SCRG1: variants seen among roughly 807,000 people sequenced by gnomAD.
SCRG1 encodes stimulator of chondrogenesis 1, also known as scrapie-responsive protein 1.
In SCRG1, 3 loss-of-function variants were observed where a neutral mutation model predicts 7.7. The ratio of observed to expected loss-of-function variants is 0.39; its 90% CI spans 0.18 to 1.01. The LOEUF (loss-of-function observed/expected upper bound fraction) is 1.01, where lower values mean the gene tolerates loss of function less well. SCRG1 is among the 50% of genes least tolerant of loss of function. The probability of loss-of-function intolerance (pLI) is 0.36; values close to 1 mark genes in which losing one functional copy is unlikely to be tolerated. For synonymous variants in SCRG1, 46 were observed against 41.2 expected, an observed-to-expected ratio of 1.12 and a Z score of -0.44; for missense variants, 110 against 117.2, an observed-to-expected ratio of 0.94 and a Z score of 0.28.
chr4:173,516,617 G>A, the SCRG1 span, among the ~76,000 whole-genome samples: 1 of 152,180 alleles, frequency 6.6e-6, no homozygotes, highest in Non-Finnish European at 1.5e-5. Context: ...GACGCCCCAA[G>A]AGTATTTATT....
At chr4:173,454,417 G>T in the SCRG1 span, among the ~76,000 whole-genome samples, 2 of 152,104 alleles carry the variant, frequency 1.3e-5, no homozygotes, top group South Asian at 4.1e-4. Context: ...ACGAAGGGAA[G>T]GTATTGCAGG....
the SCRG1 span, among the ~76,000 whole-genome samples, chr4:173,429,054 T>C: frequency 1.1e-4 from 16 of 152,320 alleles, no homozygotes; most frequent in African/African-American, 3.6e-4. Flanking sequence ...TGTAAAGACA[T>C]GATCTTGTAA....
At chr4:173,491,793 GT>G in the SCRG1 span, among the ~76,000 whole-genome samples, 2 of 152,284 alleles carry the variant, frequency 1.3e-5, no homozygotes, top group Admixed American at 1.3e-4. Context: ...ACCTTAAGTA[GT>G]TTAGTGCCTA....
chr4:173,391,531 G>A, intron 1 of SCRG1, 103 bp from the exon 2 acceptor site: 3 of 1,169,064 alleles, frequency 2.6e-6, no homozygotes, highest in Non-Finnish European at 3.7e-6. Flanking sequence ...TGGATAGAAA[G>A]AATGGGAGTT....
the SCRG1 span, among the ~76,000 whole-genome samples, chr4:173,482,916 A>G: frequency 7.2e-6 from 1 of 138,970 alleles, no homozygotes; most frequent in Admixed American, 8.1e-5. Context: ...TTAAATATAT[A>G]ATACATATAA....
chr4:173,419,477 T>G, the SCRG1 span: 3 of 845,382 alleles, frequency 3.5e-6, no homozygotes, highest in African/African-American at 5.0e-5. Context: ...AGAGAACTGT[T>G]TTTTGGAAGC....
intron 1 of SCRG1, among the ~76,000 whole-genome samples, chr4:173,396,500 G>C (rs927046540): frequency 2.0e-5 from 3 of 152,144 alleles, no homozygotes; most frequent in African/African-American, 7.2e-5. Context: ...TTGAAGCAGA[G>C]TGCCTGCTTC....
chr4:173,426,118 G>A, the SCRG1 span, among the ~76,000 whole-genome samples: 1 of 152,172 alleles, frequency 6.6e-6, no homozygotes, highest in Non-Finnish European at 1.5e-5. Context: ...CCCAAATATT[G>A]AATGGGACAT....
At chr4:173,476,039 A>G in the SCRG1 span, among the ~76,000 whole-genome samples, 49 of 152,278 alleles carry the variant, frequency 3.2e-4, no homozygotes, top group South Asian at 8.5e-3. Flanking sequence ...GAATGTACTT[A>G]ATGCCATGAA....
chr4:173,513,871 T>G, the SCRG1 span, among the ~76,000 whole-genome samples: 1 of 152,206 alleles, frequency 6.6e-6, no homozygotes, highest in African/African-American at 2.4e-5. Flanking sequence ...GTGAAGAAAC[T>G]GGACAGACTT....
At chr4:173,484,203 T>TATA in the SCRG1 span, among the ~76,000 whole-genome samples, 167 of 78,186 alleles carry the variant, frequency 2.1e-3, 3 homozygotes, top group East Asian at 9.6e-3. Flanking sequence ...TTATATATTA[T>TATA]ATATATTTTC....
the SCRG1 span, among the ~76,000 whole-genome samples, chr4:173,487,961 T>A: frequency 6.6e-6 from 1 of 151,732 alleles, no homozygotes; most frequent in Non-Finnish European, 1.5e-5. Context: ...ATTAGCTGGG[T>A]GTGGTGGCAC....
chr4:173,441,571 A>G, the SCRG1 span, among the ~76,000 whole-genome samples: 1 of 152,242 alleles, frequency 6.6e-6, no homozygotes, highest in Admixed American at 6.5e-5. Context: ...GGATCACTGT[A>G]TTAGGATCAG....
At chr4:173,403,694 G>A (rs117640310), upstream of SCRG1, among the ~76,000 whole-genome samples, 94 of 152,296 alleles carry the variant, frequency 6.2e-4, no homozygotes, top group East Asian at 4.4e-3. Flanking sequence ...ACTTTGGCAA[G>A]AAAAGAGGCC....
chr4:173,513,421 T>C, the SCRG1 span, among the ~76,000 whole-genome samples: 2 of 152,134 alleles, frequency 1.3e-5, no homozygotes, highest in African/African-American at 2.4e-5. Flanking sequence ...TTAAAGTACA[T>C]GAGTAACAAG....
chr4:173,462,597 C>A, the SCRG1 span, among the ~76,000 whole-genome samples: 15 of 152,028 alleles, frequency 9.9e-5, no homozygotes, highest in Non-Finnish European at 1.8e-4. Context: ...TATTAATGAG[C>A]CATAAATAAT....
chr4:173,478,444 G>A, the SCRG1 span, among the ~76,000 whole-genome samples: 1 of 152,128 alleles, frequency 6.6e-6, no homozygotes, highest in East Asian at 1.9e-4. Context: ...TACTAAGCTT[G>A]GGTTTGGGTA....
chr4:173,400,241 C>A (rs1399545897), upstream of SCRG1, among the ~76,000 whole-genome samples: 1 of 152,128 alleles, frequency 6.6e-6, no homozygotes, highest in Non-Finnish European at 1.5e-5. Context: ...CTGATGACCA[C>A]TTAAGTGTTT....
chr4:173,390,463 T>A (rs1316655046), intron 2 of SCRG1, among the ~76,000 whole-genome samples: 1 of 151,006 alleles, frequency 6.6e-6, no homozygotes, highest in Admixed American at 6.6e-5. Flanking sequence ...TTTTTTGTTG[T>A]TGTTGTTCGT....
Sources: allele counts gnomAD v4.1 joint callset (sites outside exome capture counted in the v4.1 genomes callset), GRCh38; gene constraint gnomAD v4.1.1; transcripts MANE v1.5; gene names NCBI Gene and HGNC (gene_info 2026-07-23, HGNC 2026-07-21).